The following FAT4 variants were observed in gnomAD, a reference collection of about 807,000 sequenced individuals.
FAT4 encodes the protein FAT atypical cadherin 4, also known as protocadherin Fat 4.
Under a neutral mutation model 303.9 loss-of-function variants are expected in FAT4, and 84 were observed. That is an observed-to-expected ratio of 0.28 (90% CI 0.23 to 0.33). The LOEUF is 0.33. Among genes scored for constraint, FAT4 ranks in the 10% least tolerant of loss-of-function variants. The pLI, the probability that FAT4 is intolerant of heterozygous loss-of-function variation, is 1.00. For missense variants in FAT4, 6,005 were observed against 6,146.8 expected, an observed-to-expected ratio of 0.98 and a Z score of 0.77; for synonymous variants, 2,307 against 2,298.8, an observed-to-expected ratio of 1.00 and a Z score of -0.10.
rs181471247 is a variant in FAT4 at position 125,421,730 on chromosome 4, T to A, written c.7018+5108T>A. Among the ~76,000 whole-genome samples, 7 of 151,136 alleles carry A rather than the reference T, an allele frequency of 4.6e-5. No homozygotes were observed. In the East Asian group the frequency reaches 1.4e-3, roughly 29 times the overall value. The stretch of plus-strand genomic sequence containing the variant: ...TGATGGTTTTTTTTTGGCCAGGAGG[T>A]TTCTTGGAGATGAGCCAGTCCACTT... On this transcript the variant is annotated intron_variant, in intron 7 of 17. Transcript: ENST00000394329.
chr4:125,409,479 C>T (rs1734763279), intron 5 of FAT4, among the ~76,000 whole-genome samples: 1 of 152,170 alleles, frequency 6.6e-6, no homozygotes, highest in South Asian at 2.1e-4. Flanking sequence ...TAATCTCCAA[C>T]TCCTGACCTC....
At chr4:125,421,595 A>G (rs1241684205) in intron 7 of FAT4, among the ~76,000 whole-genome samples, 2 of 152,236 alleles carry the variant, frequency 1.3e-5, no homozygotes, top group Non-Finnish European at 2.9e-5. Context: ...GCGAGAAAGC[A>G]GTAAAACAAA....
intron 7 of FAT4, among the ~76,000 whole-genome samples, chr4:125,433,950 G>A (rs973397827): frequency 4.6e-5 from 7 of 152,074 alleles, no homozygotes; most frequent in African/African-American, 1.7e-4. Context: ...CTCTTTTGTG[G>A]CATTCAAATG....
rs1383199220 is a variant in FAT4 at position 125,431,346 on chromosome 4, T to A, written c.7019-2899T>A. 2.0e-5 allele frequency among the ~76,000 whole-genome samples: 3 copies of A among 152,312 alleles called. No homozygotes were observed. The East Asian group carries it at 5.8e-4, about 29-fold the overall frequency. On this transcript the variant is annotated intron_variant, in intron 7 of 17. Coordinates refer to ENST00000394329, the MANE Select transcript of FAT4 (RefSeq NM_001291303.3). ...ACTATGTCTTCCATAAAGCTGTGAA[T>A]TTTTAGAGAGCTAAATGTCTCATGT...
At chr4:125,391,427 C>T (rs1733973981) in intron 2 of FAT4, among the ~76,000 whole-genome samples, 1 of 152,036 alleles carries the variant, frequency 6.6e-6, no homozygotes, top group African/African-American at 2.4e-5. Flanking sequence ...AACAGAAAAC[C>T]ATATTCTGCA....
chr4:125,486,930 A>T (rs1727430288), intron 16 of FAT4, among the ~76,000 whole-genome samples: 1 of 152,120 alleles, frequency 6.6e-6, no homozygotes, highest in South Asian at 2.1e-4. Context: ...TTCTTTTTGC[A>T]AGTGGTTTTC....
chr4:125,489,826 C>T (rs1727540862), intron 17 of FAT4, 75 bp from the exon 18 acceptor site: 1 of 1,250,242 alleles, frequency 8.0e-7, no homozygotes. Context: ...TTTACAAGAA[C>T]CCAGCAGTGT....
intron 10 of FAT4, among the ~76,000 whole-genome samples, chr4:125,457,054 G>A (rs1289523448): frequency 6.6e-6 from 1 of 151,826 alleles, no homozygotes; most frequent in African/African-American, 2.4e-5. Flanking sequence ...ACAAATTGGA[G>A]CTGCACAATT....
At chr4:125,458,293 T>G (rs1726357951) in intron 10 of FAT4, among the ~76,000 whole-genome samples, 1 of 151,982 alleles carries the variant, frequency 6.6e-6, no homozygotes, top group African/African-American at 2.4e-5. Context: ...TAAAATTTTT[T>G]CAGACATACC....
intron 2 of FAT4, among the ~76,000 whole-genome samples, chr4:125,355,626 T>C (rs879593980): frequency 1.2e-4 from 19 of 152,058 alleles, no homozygotes; most frequent in Non-Finnish European, 2.2e-4. Context: ...TTATGCATGG[T>C]ACACATGCCT....
intron 3 of FAT4, among the ~76,000 whole-genome samples, chr4:125,404,543 A>C (rs17009611): frequency 0.099 from 15,121 of 152,190 alleles, 1,342 homozygotes; most frequent in African/African-American, 0.24. Flanking sequence ...TATTGTATTC[A>C]TTTGATACGC....
At chr4:125,402,889 A>G (rs1734442645) in intron 3 of FAT4, among the ~76,000 whole-genome samples, 1 of 152,048 alleles carries the variant, frequency 6.6e-6, no homozygotes, top group South Asian at 2.1e-4. Context: ...TTAGGTAAGT[A>G]TATTAAATTA....
Position 125,317,051 on chromosome 4 carries a change from C to T in FAT4, c.640C>T (p.Pro214Ser), listed in dbSNP as rs1681039234. The T allele has an allele frequency of 6.2e-7, 1 of 1,614,072 alleles. No individual in the cohort carries two copies. Among genetic ancestry groups the T allele is most frequent in the South Asian group, 1.1e-5 (1 of 91,090 alleles). The change falls in exon 2 of 18, where the codon CCG (proline) becomes TCG (serine). Residue 214 changes from proline to serine, a missense_variant. Coordinates refer to ENST00000394329, the MANE Select transcript of FAT4 (RefSeq NM_001291303.3). The surrounding 1 kb of genome is among the most constrained non-coding windows in gnomAD (Gnocchi z 7.0). ...SKGGLDREVT[P>S]QYQLLVEVED... Reference sequence around the variant, plus strand: ...GGGCGGACTGGACCGTGAGGTCACTCCGCAGTACCAGCTCCTGGTTGAGGT... The same window carrying T: ...GGGCGGACTGGACCGTGAGGTCACTTCGCAGTACCAGCTCCTGGTTGAGGT...
chr4:125,425,001 C>T (rs138879230), intron 7 of FAT4, among the ~76,000 whole-genome samples: 169 of 152,122 alleles, frequency 1.1e-3, no homozygotes, highest in African/African-American at 3.9e-3. Context: ...GGACATATTA[C>T]GTTTGAAATA....
At chr4:125,352,283 C>T (rs1732255327) in intron 2 of FAT4, among the ~76,000 whole-genome samples, 1 of 151,310 alleles carries the variant, frequency 6.6e-6, no homozygotes, top group Non-Finnish European at 1.5e-5. Context: ...CAAACTAGAG[C>T]TGAAAAAAAC....
At chr4:125,370,649 A>C (rs1222135382) in intron 2 of FAT4, among the ~76,000 whole-genome samples, 1 of 152,220 alleles carries the variant, frequency 6.6e-6, no homozygotes. Context: ...AATATTGATA[A>C]TATTCAAATT....
intron 8 of FAT4, among the ~76,000 whole-genome samples, chr4:125,444,657 A>G (rs1725765308): frequency 1.0e-4 from 2 of 19,448 alleles, no homozygotes; most frequent in South Asian, 7.6e-3. Context: ...AAACATCCAG[A>G]TGAAAATTTA....
Position 125,434,251 on chromosome 4 carries a change from C to T in FAT4, c.7025C>T (p.Pro2342Leu). Residue 2342 changes from proline to leucine, a missense_variant, in exon 8 of 18, where the codon CCT (proline) becomes CTT (leucine). By Grantham distance (98) the Pro-to-Leu change is moderately conservative (BLOSUM62 -3). Coordinates refer to ENST00000394329, the MANE Select transcript of FAT4 (RefSeq NM_001291303.3). Reference protein sequence around the residue: ...LMITATDSGSPALTGTGTINV... With the variant: ...LMITATDSGSLALTGTGTINV... ...GATTTTCTTTTCTTTTTAGGATCCC[C>T]TGCCTTGACTGGAACTGGAACAATC... 6.2e-7 allele frequency: 1 copy of T among 1,610,804 alleles called. No individual in the cohort carries two copies.
At chr4:125,394,515 T>C (rs1291041853) in intron 2 of FAT4, among the ~76,000 whole-genome samples, 4 of 152,160 alleles carry the variant, frequency 2.6e-5, no homozygotes, top group Non-Finnish European at 5.9e-5. Context: ...TCTCAGAATT[T>C]TAAGCTAAAC....
Sources: gnomAD v4.1 joint callset for allele counts (sites outside exome capture counted in the v4.1 genomes callset) on GRCh38, gnomAD v4.1.1 for gene constraint, Gnocchi (gnomAD v3.1) non-coding constraint, MANE v1.5 for transcripts, NCBI Gene and HGNC (gene_info 2026-07-23, HGNC 2026-07-21) for gene names.